ARHGEF6: variants seen among roughly 807,000 people sequenced by gnomAD.
The protein encoded by ARHGEF6 is rho guanine nucleotide exchange factor 6.
A neutral mutation model predicts 70.3 loss-of-function variants in ARHGEF6; 9 were observed. That is an observed-to-expected ratio of 0.13 (90% CI 0.08 to 0.22). The LOEUF is 0.22. Ranked by LOEUF, ARHGEF6 falls within the 10% of genes least tolerant of loss-of-function variation. ARHGEF6 has a pLI of 1.00. For synonymous variants in ARHGEF6, 201 were observed against 207.8 expected, an observed-to-expected ratio of 0.97 and a Z score of 0.28; for missense variants, 470 against 563.0, an observed-to-expected ratio of 0.83 and a Z score of 1.67.
chrX:136,740,861 C>G (rs2077034963), intron 5 of ARHGEF6, among the ~76,000 whole-genome samples: 1 of 111,560 alleles, frequency 9.0e-6, no homozygotes, highest in Non-Finnish European at 1.9e-5. Flanking sequence ...CCTGGAAAAT[C>G]TTTTAGGGAT....
intron 9 of ARHGEF6, among the ~76,000 whole-genome samples, chrX:136,696,676 G>T (rs1026623190): frequency 9.0e-6 from 1 of 111,128 alleles, no homozygotes; most frequent in African/African-American, 3.3e-5. Context: ...TTGTCCTAAT[G>T]ATATAAGATA....
Position 136,713,341 on chromosome X carries a change from T to C in ARHGEF6, c.762A>G (p.Lys254=). ...GAGACTGAAGTTCTTTAGCATATTC[T>C]TTTTCAGTGTCCAGGATGTTCTGTA... is the stretch of plus-strand genomic sequence containing the variant. ...VVLQNILDTE[K]EYAKELQSLL... is the part of the protein sequence containing the mutation. Residue 254 remains lysine, a synonymous_variant, in exon 7 of 22, where the codon AAA becomes AAG. Coordinates refer to ENST00000250617, the MANE Select transcript of ARHGEF6 (RefSeq NM_004840.3). 1 of 1,206,223 alleles carries C rather than the reference T, an allele frequency of 8.3e-7. No individual in the cohort carries two copies. Among genetic ancestry groups the C allele is most frequent in the Non-Finnish European group, 1.1e-6 (1 of 891,080 alleles).
chrX:136,727,534 T>C (rs1208615793), intron 6 of ARHGEF6, among the ~76,000 whole-genome samples: 1 of 92,669 alleles, frequency 1.1e-5, no homozygotes, highest in African/African-American at 3.9e-5. Context: ...TCTCTCTCTC[T>C]TTCTTTCTTT....
chrX:136,761,405 TTATG>T (rs2077262404), intron 2 of ARHGEF6, among the ~76,000 whole-genome samples: 1 of 112,423 alleles, frequency 8.9e-6, no homozygotes, highest in East Asian at 2.8e-4. Context: ...TAAACTGTCT[TTATG>T]TAGCCTTCCA....
intron 2 of ARHGEF6, among the ~76,000 whole-genome samples, chrX:136,777,518 A>G (rs138821175): frequency 6.4e-4 from 71 of 111,377 alleles, no homozygotes; most frequent in African/African-American, 2.3e-3. Flanking sequence ...TACAACCACT[A>G]TGGAAAACCT....
chrX:136,755,047 G>A (rs1347681604), intron 2 of ARHGEF6, among the ~76,000 whole-genome samples: 3 of 112,295 alleles, frequency 2.7e-5, no homozygotes, highest in Non-Finnish European at 5.6e-5. Flanking sequence ...TAGCCTCTGT[G>A]AGTTCTATAG....
intron 20 of ARHGEF6, among the ~76,000 whole-genome samples, chrX:136,669,902 A>G (rs2076205190): frequency 8.9e-6 from 1 of 112,188 alleles, no homozygotes; most frequent in Non-Finnish European, 1.9e-5. Context: ...ATGTCTTGAT[A>G]TATGTATACA....
intron 2 of ARHGEF6, among the ~76,000 whole-genome samples, chrX:136,766,405 T>C (rs2077315193): frequency 1.8e-5 from 2 of 109,936 alleles, no homozygotes; most frequent in East Asian, 2.9e-4. Flanking sequence ...GGGGGGGTTA[T>C]GCAAAGTTTT....
At chrX:136,757,700 A>G (rs1399731923) in intron 2 of ARHGEF6, among the ~76,000 whole-genome samples, 1 of 112,037 alleles carries the variant, frequency 8.9e-6, no homozygotes, top group African/African-American at 3.2e-5. Context: ...TAGGCTCTAG[A>G]TTCTGGAACC....
At chrX:136,762,498 T>C (rs1027124559) in intron 2 of ARHGEF6, among the ~76,000 whole-genome samples, 34 of 110,963 alleles carry the variant, frequency 3.1e-4, no homozygotes, top group Non-Finnish European at 5.9e-4. Context: ...GCATATACTT[T>C]TTTTCTTTTT....
intron 5 of ARHGEF6, among the ~76,000 whole-genome samples, chrX:136,736,420 A>T (rs1331976491): frequency 9.0e-6 from 1 of 111,565 alleles, no homozygotes; most frequent in Non-Finnish European, 1.9e-5. Context: ...ATGAAATAAG[A>T]TCCTTAAAAA....
At chrX:136,684,431 C>T (rs1050482913) in intron 12 of ARHGEF6, among the ~76,000 whole-genome samples, 2 of 111,837 alleles carry the variant, frequency 1.8e-5, no homozygotes, top group African/African-American at 3.3e-5. Flanking sequence ...TGTCAGAGAG[C>T]GTAGGAAGAT....
chrX:136,705,899 G>A (rs748848468), intron 9 of ARHGEF6, among the ~76,000 whole-genome samples: 1 of 112,273 alleles, frequency 8.9e-6, no homozygotes, highest in African/African-American at 3.2e-5. Flanking sequence ...CTGGAGGCTC[G>A]TGTCAACTAA....
At chrX:136,692,282 G>C (rs954596210) in intron 9 of ARHGEF6, among the ~76,000 whole-genome samples, 1 of 111,655 alleles carries the variant, frequency 9.0e-6, no homozygotes, top group Non-Finnish European at 1.9e-5. Flanking sequence ...TATAGAGACA[G>C]GGTTTTGCCA....
At position 136,667,239 on chromosome X, in the gene ARHGEF6, G is replaced by T. The variant is rs189825121; in HGVS notation, c.*790C>A. 1 of 112,387 alleles carries T rather than the reference G, an allele frequency of 8.9e-6. No individual in the cohort carries two copies. The highest frequency in any genetic ancestry group is 2.8e-4 in the East Asian group (1 of 3,573). 9.3% of individuals were successfully genotyped at this position (112,387 alleles called of 1,213,427 possible). ...GAAACCTATCATGCAATGGGAAAAG[G>T]CGGTCAACTCTGCTACTAAAAGGGA... On this transcript the variant is annotated 3_prime_UTR_variant, in exon 22 of 22. Coordinates refer to ENST00000250617, the MANE Select transcript of ARHGEF6 (RefSeq NM_004840.3).
intron 6 of ARHGEF6, among the ~76,000 whole-genome samples, chrX:136,730,209 A>C (rs147352740): frequency 0.011 from 1,175 of 111,160 alleles, 16 homozygotes; most frequent in Non-Finnish European, 0.016. Flanking sequence ...TGACTCTTGG[A>C]GGGAAGAAGA....
intron 20 of ARHGEF6, among the ~76,000 whole-genome samples, chrX:136,669,999 A>G (rs2076206877): frequency 1.8e-5 from 2 of 111,056 alleles, no homozygotes; most frequent in Admixed American, 9.5e-5. Context: ...GGAAATCTAC[A>G]CTCTTAGCAA....
At chrX:136,696,063 G>T (rs2076506707) in intron 9 of ARHGEF6, among the ~76,000 whole-genome samples, 1 of 111,686 alleles carries the variant, frequency 9.0e-6, no homozygotes, top group South Asian at 3.8e-4. Context: ...CATCAATCCT[G>T]CAAGGTAGGT....
chrX:136,705,736 A>C (rs2076620440), intron 9 of ARHGEF6, among the ~76,000 whole-genome samples: 1 of 112,465 alleles, frequency 8.9e-6, no homozygotes, highest in African/African-American at 3.2e-5. Context: ...TTGCTATTCC[A>C]TAAGAGTTCA....
Sources: allele counts gnomAD v4.1 joint callset (sites outside exome capture counted in the v4.1 genomes callset), GRCh38; gene constraint gnomAD v4.1.1; transcripts MANE v1.5; gene names NCBI Gene and HGNC (gene_info 2026-07-23, HGNC 2026-07-21).